CYREN: variants seen among roughly 807,000 people sequenced by gnomAD.
CYREN encodes cell cycle regulator of NHEJ.
A neutral mutation model predicts 9.7 loss-of-function variants in CYREN; 7 were observed. That is an observed-to-expected ratio of 0.72 (90% CI 0.41 to 1.36). The LOEUF is 1.36. Among genes scored for constraint, CYREN ranks in the 40% most tolerant of loss-of-function variants. CYREN has a pLI of 0.01. For synonymous variants in CYREN, 76 were observed against 77.9 expected, an observed-to-expected ratio of 0.98 and a Z score of 0.13; for missense variants, 215 against 198.1, an observed-to-expected ratio of 1.09 and a Z score of -0.51.
chr7:135,142,297 T>G (rs10255366), intron 2 of CYREN, among the ~76,000 whole-genome samples: 144,829 of 152,152 alleles, frequency 0.95, 69,281 homozygotes, highest in Non-Finnish European at 1. Flanking sequence ...GGGAGATACA[T>G]TTCTTTCCAT....
intron 2 of CYREN, among the ~76,000 whole-genome samples, chr7:135,150,847 C>G (rs1345235161): frequency 1.3e-5 from 2 of 152,182 alleles, no homozygotes; most frequent in Non-Finnish European, 2.9e-5. Context: ...CAGAGCAAGA[C>G]TGTCTCAAAC....
At chr7:135,119,782 C>G (rs1207531229) in intron 2 of CYREN, among the ~76,000 whole-genome samples, 3 of 152,034 alleles carry the variant, frequency 2.0e-5, no homozygotes, top group Admixed American at 2.0e-4. Context: ...GAGGCTGAGG[C>G]AGGAGAATGG....
At chr7:135,098,885 A>G (rs1352678157) in intron 2 of CYREN, among the ~76,000 whole-genome samples, 1 of 152,188 alleles carries the variant, frequency 6.6e-6, no homozygotes, top group Non-Finnish European at 1.5e-5. Context: ...ATACAATAAT[A>G]ATATGACATA....
Position 135,166,438 on chromosome 7 carries a change from GC to G in CYREN, c.*172del, listed in dbSNP as rs34371781. ...GCACACTCAGAACGGCAGCCCCAAG[GC>G]CCGGAGTGTCCAGGGGCTTCTGGCC... On this transcript the variant is annotated 3_prime_UTR_variant, in exon 4 of 4. Transcript: ENST00000393114. 139 of 1,012,820 alleles carry G rather than the reference GC, an allele frequency of 1.4e-4. No homozygotes were observed. The African/African-American group carries it at 1.4e-3, about 10-fold the overall frequency. 62.7% of individuals were successfully genotyped at this position (1,012,820 alleles called of 1,614,324 possible).
At chr7:135,106,271 A>G (rs1824702683) in intron 2 of CYREN, among the ~76,000 whole-genome samples, 1 of 152,168 alleles carries the variant, frequency 6.6e-6, no homozygotes, top group African/African-American at 2.4e-5. Flanking sequence ...TATGTTGAAT[A>G]GAAAGGTGAG....
chr7:135,118,290 A>G (rs1251475862), intron 2 of CYREN, among the ~76,000 whole-genome samples: 2 of 152,194 alleles, frequency 1.3e-5, no homozygotes, highest in African/African-American at 4.8e-5. Flanking sequence ...TTCTAGATTC[A>G]AAGTATTAAT....
chr7:135,167,892 C>T, intron 2 of CYREN, 85 bp from the exon 3 acceptor site: 1 of 1,594,256 alleles, frequency 6.3e-7, no homozygotes, highest in Non-Finnish European at 8.5e-7. Flanking sequence ...AGGGCCTCTT[C>T]CCCCTGCCTT....
At chr7:135,094,163 A>C (rs1822291365) in exon 3 of CYREN, 1 of 344,100 alleles carries the variant, frequency 2.9e-6, no homozygotes, top group South Asian at 2.3e-5. Flanking sequence ...TAGACTTACT[A>C]TTTAAACAGA....
intron 2 of CYREN, among the ~76,000 whole-genome samples, chr7:135,100,813 G>A (rs1333574553): frequency 3.3e-5 from 5 of 152,222 alleles, no homozygotes; most frequent in Non-Finnish European, 4.4e-5. Context: ...GTTAGAAGAT[G>A]TGAATGCTAC....
downstream of CYREN, chr7:135,164,974 C>CTGAGAGCAAGCT: frequency 6.2e-7 from 1 of 1,602,396 alleles, no homozygotes; most frequent in Non-Finnish European, 8.5e-7. Flanking sequence ...GCTGAGAGGG[C>CTGAGAGCAAGCT]TGAGAGCAAG....
intron 2 of CYREN, chr7:135,129,383 A>G: frequency 2.3e-6 from 2 of 857,680 alleles, no homozygotes. Context: ...AGGCCAATAA[A>G]AGACTTTTGG....
chr7:135,139,494 A>G (rs1215361640), intron 2 of CYREN, among the ~76,000 whole-genome samples: 6 of 151,352 alleles, frequency 4.0e-5, no homozygotes, highest in Non-Finnish European at 5.9e-5. Flanking sequence ...TTAGATGCAT[A>G]GTTTACAAAT....
At chr7:135,121,299 A>C (rs1365628603) in intron 2 of CYREN, among the ~76,000 whole-genome samples, 1 of 152,230 alleles carries the variant, frequency 6.6e-6, no homozygotes, top group Non-Finnish European at 1.5e-5. Flanking sequence ...CAATTGTTTC[A>C]ATAATTAGAA....
At chr7:135,122,358 C>T (rs1468784442) in intron 2 of CYREN, among the ~76,000 whole-genome samples, 1 of 152,192 alleles carries the variant, frequency 6.6e-6, no homozygotes, top group Admixed American at 6.5e-5. Flanking sequence ...ATAACTCCAG[C>T]CAGAGGCTCA....
Position 135,167,715 on chromosome 7 carries a change from G to A in CYREN, c.213+17C>T, listed in dbSNP as rs765040653. On this transcript the variant is annotated intron_variant, in intron 3 of 3. Transcript: ENST00000393114. The stretch of plus-strand genomic sequence containing the variant: ...GCAGAGTTTCTGGTCATGAGTAAGA[G>A]GCTTGTCTGACTTTACCTCAATCAG... 4.6e-5 allele frequency: 75 copies of A among 1,613,732 alleles called. No individual in the cohort carries two copies. The Middle Eastern group carries it at 8.4e-4, about 18-fold the overall frequency.
chr7:135,158,260 G>A (rs1450689709), intron 2 of CYREN, among the ~76,000 whole-genome samples: 1 of 152,260 alleles, frequency 6.6e-6, no homozygotes, highest in Non-Finnish European at 1.5e-5. Flanking sequence ...GCAGCATGTT[G>A]CAGAGCAGTG....
intron 2 of CYREN, chr7:135,147,668 T>A (rs1049208176): frequency 2.4e-6 from 1 of 418,786 alleles, no homozygotes; most frequent in African/African-American, 2.1e-5. Context: ...CTAAAAGGGG[T>A]TGGGGGACAG....
chr7:135,094,233 T>C, exon 3 of CYREN: 1 of 373,028 alleles, frequency 2.7e-6, no homozygotes, highest in Non-Finnish European at 5.3e-6. Flanking sequence ...TCAACATTCC[T>C]GTCCTTACAA....
intron 2 of CYREN, among the ~76,000 whole-genome samples, chr7:135,154,561 T>C (rs536437757): frequency 1.3e-5 from 2 of 152,322 alleles, no homozygotes; most frequent in Admixed American, 6.5e-5. Flanking sequence ...TGTTTTTGCA[T>C]TCATTTCAAA....
Sources: gnomAD v4.1 joint callset for allele counts (sites outside exome capture counted in the v4.1 genomes callset) on GRCh38, gnomAD v4.1.1 for gene constraint, MANE v1.5 for transcripts, NCBI Gene and HGNC (gene_info 2026-07-23, HGNC 2026-07-21) for gene names.